ANXA13: variants seen among roughly 807,000 people sequenced by gnomAD.
The protein encoded by ANXA13 is annexin XIII.
Under a neutral mutation model 46.6 loss-of-function variants are expected in ANXA13, and 36 were observed. The ratio of observed to expected loss-of-function variants is 0.77; its 90% confidence interval spans 0.59 to 1.02. ANXA13 has a LOEUF of 1.02. Ranked by LOEUF, ANXA13 falls within the 50% of genes least tolerant of loss-of-function variation. ANXA13 has a pLI of 0.00. For missense variants in ANXA13, 417 were observed against 396.5 expected, an observed-to-expected ratio of 1.05 and a Z score of -0.44; for synonymous variants, 163 against 152.9, an observed-to-expected ratio of 1.07 and a Z score of -0.49.
At position 123,698,397 on chromosome 8, in the gene ANXA13, T is replaced by G. The variant is rs1474118280; in HGVS notation, c.349A>C (p.Thr117Pro). Reference sequence around the variant, plus strand: ...GCTCAGCTGGGACTGACCTTATTGGTCCTCGTGCACAGGACCTCAATGAGG... The same window carrying G: ...GCTCAGCTGGGACTGACCTTATTGGGCCTCGTGCACAGGACCTCAATGAGG... The part of the protein sequence containing the change: ...SVLIEVLCTR[T>P]NKEIIAIKEA... Residue 117 changes from threonine to proline, a missense_variant, in exon 4 of 11, where the codon ACC (threonine) becomes CCC (proline). Thr to Pro is a conservative substitution (Grantham distance 38). Transcript: ENST00000419625. The G allele has an allele frequency of 3.1e-6, 5 of 1,613,870 alleles. No homozygotes were observed. In the Admixed American group the frequency reaches 6.7e-5, roughly 22 times the overall value.
Position 123,730,845 on chromosome 8 carries a change from G to C in ANXA13, c.15+6475C>G, listed in dbSNP as rs926905381. ...CACATCTTACATGGCAGCAGGGAGA[G>C]AGGGAACCCTGGGTGGGGTGGGGAA... On this transcript the variant is annotated intron_variant, in intron 1 of 10. Transcript: ENST00000419625. Among the ~76,000 whole-genome samples the C allele has an allele frequency of 2.0e-5, 3 of 152,330 alleles. No individual in the cohort carries two copies. In the East Asian group the frequency reaches 5.8e-4, roughly 29 times the overall value.
intron 1 of ANXA13, among the ~76,000 whole-genome samples, chr8:123,724,025 G>A (rs1234169059): frequency 6.6e-6 from 1 of 152,198 alleles, no homozygotes; most frequent in Non-Finnish European, 1.5e-5. Flanking sequence ...CAGTAGTAGG[G>A]ACAGAAGAAT....
rs1411351466 is a variant in ANXA13, at chr8:123,688,941, A to C, written c.648T>G (p.Ile216Met). 6.2e-7 allele frequency: 1 copy of C among 1,613,680 alleles called. No individual in the cohort carries two copies. ...RATFQAYQIL[I>M]GKDIEEAIEE... The stretch of plus-strand genomic sequence containing the variant: ...CAATGGCTTCTTCTATGTCTTTGCC[A>C]ATGAGCTGCAGCGAAAACCAAAATC... The change falls in exon 9 of 11, where the codon ATT becomes ATG. Residue 216 changes from isoleucine to methionine, a missense_variant. Ile to Met is a conservative substitution (Grantham distance 10). Coordinates refer to ENST00000419625, the MANE Select transcript of ANXA13 (RefSeq NM_004306.4).
In ANXA13 at chr8:123,716,623, A is replaced by G. The variant is rs916846509; in HGVS notation, c.16-3870T>C. Among the ~76,000 whole-genome samples the G allele has an allele frequency of 6.6e-5, 10 of 152,232 alleles. No homozygotes were observed. In the East Asian group the frequency reaches 1.5e-3, roughly 24 times the overall value. Reference sequence around the variant, plus strand: ...ACAGTCGGTTTGGCGTTGTCCCCTCATTGTGGTGGGGGCTGCCTCCACAAT... The same window carrying G: ...ACAGTCGGTTTGGCGTTGTCCCCTCGTTGTGGTGGGGGCTGCCTCCACAAT... On this transcript the variant is annotated intron_variant, in intron 1 of 10. Transcript: ENST00000419625.
At chr8:123,692,804 A>G (rs1813265125) in intron 8 of ANXA13, among the ~76,000 whole-genome samples, 1 of 152,116 alleles carries the variant, frequency 6.6e-6, no homozygotes, top group African/African-American at 2.4e-5. Context: ...CCAGTGGTAG[A>G]CCCAGGATTT....
At chr8:123,706,800 G>C (rs1813548691) in intron 2 of ANXA13, among the ~76,000 whole-genome samples, 1 of 152,218 alleles carries the variant, frequency 6.6e-6, no homozygotes, top group African/African-American at 2.4e-5. Flanking sequence ...GCCTCTCAAA[G>C]TCTCATCCTC....
intron 6 of ANXA13, among the ~76,000 whole-genome samples, chr8:123,694,185 G>A (rs1251604397): frequency 6.6e-6 from 1 of 152,094 alleles, no homozygotes; most frequent in African/African-American, 2.4e-5. Flanking sequence ...CTTTGTGGTG[G>A]GCAGAATTCT....
chr8:123,698,635 A>G, intron 3 of ANXA13, 76 bp from the exon 4 acceptor site: 1 of 1,472,732 alleles, frequency 6.8e-7, no homozygotes, highest in Non-Finnish European at 9.4e-7. Context: ...CACTATTGCA[A>G]GTGCTCATAG....
chr8:123,684,389 C>G (rs1813097850), intron 10 of ANXA13, among the ~76,000 whole-genome samples: 1 of 152,032 alleles, frequency 6.6e-6, no homozygotes, highest in African/African-American at 2.4e-5. Context: ...TCCAGAGCCA[C>G]AGAGGACAAA....
chr8:123,706,361 G>C (rs1813540144), intron 2 of ANXA13, among the ~76,000 whole-genome samples: 1 of 152,188 alleles, frequency 6.6e-6, no homozygotes, highest in Non-Finnish European at 1.5e-5. Flanking sequence ...CCCAGACGAG[G>C]GCCTTGGCCT....
chr8:123,693,319 A>T (rs201281842), intron 7 of ANXA13, 21 bp from the exon 8 acceptor site: 3 of 1,606,972 alleles, frequency 1.9e-6, no homozygotes, highest in Admixed American at 3.4e-5. Flanking sequence ...AAATACAAAC[A>T]CTTTGAAAAA....
At chr8:123,707,425 TA>T (rs771527825) in intron 2 of ANXA13, among the ~76,000 whole-genome samples, 17 of 151,264 alleles carry the variant, frequency 1.1e-4, no homozygotes, top group South Asian at 2.1e-4. Context: ...GGGAATGCTT[TA>T]AAAAAAAAGA....
intron 1 of ANXA13, among the ~76,000 whole-genome samples, chr8:123,716,332 A>G (rs2129907778): frequency 6.6e-6 from 1 of 152,068 alleles, no homozygotes; most frequent in Non-Finnish European, 1.5e-5. Context: ...CGATCCACCC[A>G]CCTCGGCCTC....
In ANXA13 at chr8:123,702,627, C is replaced by T; in HGVS notation, c.186+15G>A. On this transcript the variant is annotated intron_variant, in intron 3 of 10. Coordinates refer to ENST00000419625, the MANE Select transcript of ANXA13 (RefSeq NM_004306.4). ...CATGGCTGGGTGCAAGCTTGCTGAC[C>T]ACCCCTGGAATCACCTTGCCGTACG... 1 of 1,611,336 alleles carries T rather than the reference C, an allele frequency of 6.2e-7. No homozygotes were observed. Among genetic ancestry groups the T allele is most frequent in the Admixed American group, 1.7e-5 (1 of 60,002 alleles).
At chr8:123,720,697 T>A (rs994840216) in intron 1 of ANXA13, among the ~76,000 whole-genome samples, 1 of 147,618 alleles carries the variant, frequency 6.8e-6, no homozygotes, top group Non-Finnish European at 1.5e-5. Context: ...TGTGTGTGTG[T>A]GAGTTAAGAA....
intron 1 of ANXA13, among the ~76,000 whole-genome samples, chr8:123,719,807 T>C (rs1454398156): frequency 1.3e-5 from 2 of 152,240 alleles, no homozygotes; most frequent in Non-Finnish European, 2.9e-5. Context: ...AATTGCTGTT[T>C]TGCCCTTTGC....
In ANXA13 at chr8:123,737,305, G is replaced by T. The variant is rs1180072084; in HGVS notation, c.15+15C>A. 2 of 1,605,450 alleles carry T rather than the reference G, an allele frequency of 1.2e-6. No individual in the cohort carries two copies. Among genetic ancestry groups the T allele is most frequent in the Non-Finnish European group, 1.7e-6 (2 of 1,175,498 alleles). ...CCAAAATTAAAACCAATTCCCAAAGGCAATGAGTACTTACATGACGATTGC... is the reference window on the plus strand; with the variant it reads ...CCAAAATTAAAACCAATTCCCAAAGTCAATGAGTACTTACATGACGATTGC... On this transcript the variant is annotated intron_variant, in intron 1 of 10. Transcript: ENST00000419625.
intron 3 of ANXA13, among the ~76,000 whole-genome samples, chr8:123,700,698 T>C (rs192776738): frequency 1.3e-5 from 2 of 152,290 alleles, no homozygotes; most frequent in East Asian, 3.9e-4. Flanking sequence ...TATCCGATTT[T>C]TCTTTCTTTC....
At position 123,693,251 on chromosome 8, in the gene ANXA13, G is replaced by A; in HGVS notation, c.588C>T (p.Val196=). 6.2e-7 allele frequency: 1 copy of A among 1,614,102 alleles called. No individual in the cohort carries two copies. The highest frequency in any genetic ancestry group is 8.5e-7 in the Non-Finnish European group (1 of 1,180,016). ...ACTGCTTGTAGCTCCTCTTGGCCAG[G>A]ACTTCATTGAACGCAAGCTCATCAG... ...WGTDELAFNE[V]LAKRSYKQLR... Residue 196 remains valine (V), a synonymous_variant, in exon 8 of 11, where the codon GTC becomes GTT. Coordinates refer to ENST00000419625, the MANE Select transcript of ANXA13 (RefSeq NM_004306.4).
Sources: allele counts gnomAD v4.1 joint callset (sites outside exome capture counted in the v4.1 genomes callset), GRCh38; gene constraint gnomAD v4.1.1; transcripts MANE v1.5; gene names NCBI Gene and HGNC (gene_info 2026-07-23, HGNC 2026-07-21).